Variants in FAM184A observed in about 807,000 individuals in gnomAD.
The protein encoded by FAM184A is protein FAM184A.
Under a neutral mutation model 143.8 loss-of-function variants are expected in FAM184A, and 99 were observed. The observed-to-expected ratio is 0.69, with a 90% CI of 0.58 to 0.81. The LOEUF is 0.81. Among genes scored for constraint, FAM184A ranks in the 40% least tolerant of loss-of-function variants. FAM184A has a pLI of 0.00. For synonymous variants in FAM184A, 427 were observed against 446.4 expected, an observed-to-expected ratio of 0.96 and a Z score of 0.55; for missense variants, 1,217 against 1,310.5, an observed-to-expected ratio of 0.93 and a Z score of 1.10.
chr6:119,135,262 A>G (rs945962032), intron 1 of FAM184A, among the ~76,000 whole-genome samples: 1 of 152,182 alleles, frequency 6.6e-6, no homozygotes, highest in Admixed American at 6.5e-5. Flanking sequence ...CGAGCCATAT[A>G]TATGACATAA....
At chr6:119,004,549 G>A (rs1311472947) in intron 7 of FAM184A, among the ~76,000 whole-genome samples, 1 of 152,156 alleles carries the variant, frequency 6.6e-6, no homozygotes, top group Non-Finnish European at 1.5e-5. Context: ...TCCGCCAAAG[G>A]CAACATTAAA....
At chr6:119,069,995 G>C in intron 1 of FAM184A, among the ~76,000 whole-genome samples, 1 of 151,966 alleles carries the variant, frequency 6.6e-6, no homozygotes, top group East Asian at 1.9e-4. Context: ...AGGAAATACA[G>C]AATTAGCAAT....
intron 1 of FAM184A, among the ~76,000 whole-genome samples, chr6:119,104,037 A>T (rs1582619239): frequency 1.3e-5 from 2 of 150,732 alleles, no homozygotes; most frequent in South Asian, 4.2e-4. Context: ...ATGTAAGTTT[A>T]TTTTTATTTT....
rs564437371 is a variant in FAM184A at position 119,125,134 on chromosome 6, T to C, written c.-202+23944A>G. ...ATATCCAGGCAGTTGTATCTATTAA[T>C]AGTTTTTTAGAATAAGCTTTCAGAA... On this transcript the variant is annotated intron_variant, in intron 1 of 16. Coordinates refer to the FAM184A transcript ENST00000352896. Among the ~76,000 whole-genome samples, 29 of 152,352 alleles carry C rather than the reference T, an allele frequency of 1.9e-4. 1 individual carries two copies. The highest frequency in any genetic ancestry group is 1.2e-3 in the Admixed American group (19 of 15,298).
chr6:119,146,397 C>CATGT lies in FAM184A; in HGVS notation c.-202+2680_-202+2681insACAT, dbSNP rs369613906. 2.9e-5 allele frequency among the ~76,000 whole-genome samples: 4 copies of CATGT among 136,392 alleles called. No individual in the cohort carries two copies. In the South Asian group the frequency reaches 1.1e-3, roughly 36 times the overall value. The allele number at this position is 136,392 out of a possible 152,430, so 89.5% of individuals were successfully genotyped here. ...TTCAGTGCCTTTCCCGATTAACTTA[C>CATGT]GTGTGTGTGTGTGTGTGTGTGTGTG... On this transcript the variant is annotated intron_variant, in intron 1 of 16. Coordinates refer to the FAM184A transcript ENST00000352896.
At chr6:119,122,924 GAAAAAAAAAAAAAAAAAAAAAAAA>G (rs766414096) in intron 1 of FAM184A, among the ~76,000 whole-genome samples, 1,265 of 29,012 alleles carry the variant, frequency 0.044, 41 homozygotes, top group South Asian at 0.17. Flanking sequence ...GACCCTGTCT[GAAAAAAAAAAAAAAAAAAAAAAAA>G]AAAAAAAAAA....
At chr6:119,052,350 C>T (rs1174198384) in intron 1 of FAM184A, among the ~76,000 whole-genome samples, 1 of 152,124 alleles carries the variant, frequency 6.6e-6, no homozygotes, top group Non-Finnish European at 1.5e-5. Flanking sequence ...ATTATTAGAT[C>T]CTAACAGTTC....
At chr6:119,098,018 T>C (rs1278453722) in intron 1 of FAM184A, among the ~76,000 whole-genome samples, 4 of 152,212 alleles carry the variant, frequency 2.6e-5, no homozygotes, top group South Asian at 2.1e-4. Flanking sequence ...GAGGGTGATA[T>C]GGTTTGGCTG....
At chr6:119,133,757 C>A (rs1367908096) in intron 1 of FAM184A, among the ~76,000 whole-genome samples, 1 of 152,090 alleles carries the variant, frequency 6.6e-6, no homozygotes. Flanking sequence ...ATCACAGTGT[C>A]TCTCAGTGTC....
At chr6:119,010,026 T>G (rs1327468387) in intron 6 of FAM184A, among the ~76,000 whole-genome samples, 1 of 152,178 alleles carries the variant, frequency 6.6e-6, no homozygotes, top group Non-Finnish European at 1.5e-5. Context: ...TGCTAGGCCA[T>G]GTGTGCCTCT....
At chr6:119,055,338 A>T (rs1301009942) in intron 1 of FAM184A, among the ~76,000 whole-genome samples, 3 of 152,172 alleles carry the variant, frequency 2.0e-5, no homozygotes, top group Admixed American at 6.5e-5. Context: ...TATTACAAAT[A>T]TGTAATGCTG....
At chr6:119,126,315 A>G (rs1159054354) in intron 1 of FAM184A, among the ~76,000 whole-genome samples, 1 of 152,232 alleles carries the variant, frequency 6.6e-6, no homozygotes, top group Admixed American at 6.5e-5. Context: ...GGAAGAGCCC[A>G]GTCACTTTAA....
chr6:119,101,034 C>T (rs914000145), intron 1 of FAM184A, among the ~76,000 whole-genome samples: 1 of 151,642 alleles, frequency 6.6e-6, no homozygotes, highest in African/African-American at 2.4e-5. Context: ...AATAGTAATC[C>T]CCCATAATGT....
intron 1 of FAM184A, among the ~76,000 whole-genome samples, chr6:119,113,429 G>C (rs1227902807): frequency 1.3e-5 from 2 of 152,066 alleles, no homozygotes; most frequent in Admixed American, 6.6e-5. Context: ...TTGCTTCCCA[G>C]TGATGCTTCT....
intron 8 of FAM184A, 87 bp downstream of exon 8, chr6:119,003,414 T>A: frequency 7.9e-7 from 1 of 1,270,834 alleles, no homozygotes; most frequent in Non-Finnish European, 1.1e-6. Context: ...TGCTACTATG[T>A]CTTTAACAAT....
rs182941476 is a variant in FAM184A, at chr6:119,062,133, C to A, written c.159+16008G>T. On this transcript the variant is annotated intron_variant, in intron 1 of 17. Coordinates refer to ENST00000338891, the MANE Select transcript of FAM184A (RefSeq NM_024581.6). ...TGCTTGAGAGGTGATCAGGGTTAGC[C>A]TTCTTACTTACAAATGTATAACTTT... 3.3e-5 allele frequency among the ~76,000 whole-genome samples: 5 copies of A among 152,186 alleles called. No homozygotes were observed. In the East Asian group the frequency reaches 7.7e-4, roughly 24 times the overall value.
intron 1 of FAM184A, among the ~76,000 whole-genome samples, chr6:119,030,343 TCCTCTA>T (rs1785822454): frequency 6.6e-6 from 1 of 152,132 alleles, no homozygotes; most frequent in Non-Finnish European, 1.5e-5. Context: ...GGATATAGTA[TCCTCTA>T]ATTGTTCATT....
rs1302248407 is a variant in FAM184A, at chr6:118,974,534, A to G, written c.2809T>C (p.Leu937=). The change falls in exon 14 of 18, where the codon TTG becomes CTG. Residue 937 remains leucine, a synonymous_variant. Transcript: ENST00000338891. The part of the protein sequence containing the change: ...QDLNKRLEKE[L]DVMTADHLRE... The stretch of plus-strand genomic sequence containing the variant: ...AGGTGGTCTGCTGTCATGACATCCA[A>G]CTCTTTTTCAAGTCTCTTGTTTAAA... 6.2e-7 allele frequency: 1 copy of G among 1,608,614 alleles called. No homozygotes were observed.
Position 119,048,921 on chromosome 6 carries a change from T to C in FAM184A, c.160-24108A>G, listed in dbSNP as rs151191704. Among the ~76,000 whole-genome samples the C allele has an allele frequency of 3.2e-3, 486 of 152,332 alleles. 2 individuals carry two copies. Among genetic ancestry groups the C allele is most frequent in the African/African-American group, 0.011 (454 of 41,572 alleles). ...ATACAAAGAATCAATATCATTAAAA[T>C]GGCCATACTGACCAAAGCAATTTAC... On this transcript the variant is annotated intron_variant, in intron 1 of 17. Coordinates refer to ENST00000338891, the MANE Select transcript of FAM184A (RefSeq NM_024581.6).
Sources: allele counts gnomAD v4.1 joint callset (sites outside exome capture counted in the v4.1 genomes callset), GRCh38; gene constraint gnomAD v4.1.1; transcripts MANE v1.5; gene names NCBI Gene and HGNC (gene_info 2026-07-23, HGNC 2026-07-21).